COL22A1: variants seen among roughly 807,000 people sequenced by gnomAD.
The protein encoded by COL22A1 is collagen alpha-1(XXII) chain.
A neutral mutation model predicts 248.9 loss-of-function variants in COL22A1; 221 were observed. The ratio of observed to expected loss-of-function variants is 0.89; its 90% CI spans 0.80 to 0.99. COL22A1 has a LOEUF of 0.99. Ranked by LOEUF, COL22A1 falls within the 50% of genes least tolerant of loss-of-function variation. The probability of loss-of-function intolerance (pLI) is 0.00; values close to 1 mark genes in which losing one functional copy is unlikely to be tolerated. For missense variants in COL22A1, 2,240 were observed against 2,179.0 expected, an observed-to-expected ratio of 1.03 and a Z score of -0.56; for synonymous variants, 891 against 793.4, an observed-to-expected ratio of 1.12 and a Z score of -2.07.
chr8:138,815,137 G>A (rs1818575454), intron 7 of COL22A1, among the ~76,000 whole-genome samples: 1 of 152,148 alleles, frequency 6.6e-6, no homozygotes, highest in Admixed American at 6.5e-5. Flanking sequence ...TGATTGTGAA[G>A]CCTCCCCAGC....
intron 27 of COL22A1, among the ~76,000 whole-genome samples, chr8:138,718,655 A>G (rs1232617522): frequency 6.6e-6 from 1 of 152,236 alleles, no homozygotes; most frequent in African/African-American, 2.4e-5. Flanking sequence ...CTTTGTCAAA[A>G]TAAAGTAACA....
intron 49 of COL22A1, 91 bp downstream of exon 49, chr8:138,634,919 A>G (rs1043232637): frequency 2.2e-6 from 2 of 891,070 alleles, no homozygotes; most frequent in African/African-American, 1.6e-5. Context: ...AAAATGAGAG[A>G]TATGCTCAGT....
chr8:138,825,456 T>G (rs1389492635), intron 6 of COL22A1, among the ~76,000 whole-genome samples: 1 of 152,206 alleles, frequency 6.6e-6, no homozygotes. Context: ...TAAGCAAATT[T>G]CTTAGCCTCT....
At chr8:138,837,942 G>A (rs1409002939) in intron 4 of COL22A1, among the ~76,000 whole-genome samples, 2 of 152,144 alleles carry the variant, frequency 1.3e-5, no homozygotes, top group East Asian at 1.9e-4. Context: ...GGGTGAGGAC[G>A]TGCCTTGCAG....
chr8:138,660,536 C>T, intron 43 of COL22A1, 56 bp from the exon 44 acceptor site: 1 of 1,487,824 alleles, frequency 6.7e-7, no homozygotes, highest in Non-Finnish European at 9.4e-7. Context: ...TCCTGACCCA[C>T]TCTACCCACA....
chr8:138,748,146 T>A (rs2131324267), intron 22 of COL22A1, among the ~76,000 whole-genome samples: 1 of 152,222 alleles, frequency 6.6e-6, no homozygotes, highest in South Asian at 2.1e-4. Flanking sequence ...CAAGGCCACC[T>A]CAAACATCAC....
intron 47 of COL22A1, among the ~76,000 whole-genome samples, chr8:138,643,797 T>TGGTAGG (rs1821956165): frequency 6.6e-6 from 1 of 152,142 alleles, no homozygotes; most frequent in South Asian, 2.1e-4. Context: ...TCTCCCGGGT[T>TGGTAGG]CAAGCGATTC....
At chr8:138,628,691 C>G (rs1377094548) in intron 50 of COL22A1, among the ~76,000 whole-genome samples, 2 of 151,716 alleles carry the variant, frequency 1.3e-5, no homozygotes, top group African/African-American at 2.4e-5. Flanking sequence ...GGTCCCATGA[C>G]AGAATCAAAG....
intron 3 of COL22A1, among the ~76,000 whole-genome samples, chr8:138,876,885 C>A (rs576329209): frequency 5.4e-4 from 82 of 152,358 alleles, no homozygotes; most frequent in Middle Eastern, 3.4e-3. Context: ...CAACCCCTCC[C>A]GGGCCTGGAG....
chr8:138,650,026 T>G (rs1822560765), intron 45 of COL22A1, among the ~76,000 whole-genome samples: 1 of 152,098 alleles, frequency 6.6e-6, no homozygotes, highest in Non-Finnish European at 1.5e-5. Flanking sequence ...TTCCTCCATT[T>G]CCCCCTATTT....
intron 35 of COL22A1, among the ~76,000 whole-genome samples, 187 bp downstream of exon 35, chr8:138,693,459 C>T (rs1198794608): frequency 6.6e-6 from 1 of 152,170 alleles, no homozygotes; most frequent in Non-Finnish European, 1.5e-5. Context: ...TCAAGAAATG[C>T]TACGAAGGTG....
chr8:138,857,121 CTG>C (rs1822093400), intron 3 of COL22A1, among the ~76,000 whole-genome samples: 1 of 152,078 alleles, frequency 6.6e-6, no homozygotes, highest in African/African-American at 2.4e-5. Flanking sequence ...GCCTGCACTC[CTG>C]CCTCTGCCCA....
chr8:138,848,049 T>C (rs1821375684), intron 3 of COL22A1, among the ~76,000 whole-genome samples: 1 of 152,184 alleles, frequency 6.6e-6, no homozygotes, highest in African/African-American at 2.4e-5. Flanking sequence ...TCCCAATAAA[T>C]ATGGAATTCT....
chr8:138,621,266 T>C (rs1458647395), intron 52 of COL22A1, among the ~76,000 whole-genome samples: 1 of 152,184 alleles, frequency 6.6e-6, no homozygotes, highest in Non-Finnish European at 1.5e-5. Context: ...TACTTGACTT[T>C]GAGGTGTGGA....
chr8:138,692,462 CATGTGTGTGTGTGTGTGTGT>C (rs1156765284), intron 35 of COL22A1, among the ~76,000 whole-genome samples: 2 of 46,210 alleles, frequency 4.3e-5, no homozygotes, highest in African/African-American at 1.7e-4. Context: ...TGTGTGAGTG[CATGTGTGTGTGTGTGTGTGT>C]GTGTGTGTGT....
Position 138,662,090 on chromosome 8 carries a change from A to G in COL22A1, c.3187-7T>C. 6.2e-7 allele frequency: 1 copy of G among 1,611,696 alleles called. No homozygotes were observed. The highest frequency in any genetic ancestry group is 8.5e-7 in the Non-Finnish European group (1 of 1,178,848). On this transcript the variant is annotated splice_polypyrimidine_tract_variant and splice_region_variant and intron_variant, in intron 42 of 64. Coordinates refer to ENST00000303045, the MANE Select transcript of COL22A1 (RefSeq NM_152888.3). Reference sequence around the variant, plus strand: ...CAGGTAAGCCTCGTGATCCCTGAAGAAAAAGAAAAGAAGACACTGACACCC... The same window carrying G: ...CAGGTAAGCCTCGTGATCCCTGAAGGAAAAGAAAAGAAGACACTGACACCC...
Position 138,877,737 on chromosome 8 carries a change from C to CG in COL22A1, c.658+12dup, listed in dbSNP as rs1823838972. 6.4e-7 allele frequency: 1 copy of CG among 1,561,294 alleles called. No homozygotes were observed. Among genetic ancestry groups the CG allele is most frequent in the African/African-American group, 1.4e-5 (1 of 73,646 alleles). On this transcript the variant is annotated intron_variant, in intron 3 of 64. Coordinates refer to ENST00000303045, the MANE Select transcript of COL22A1 (RefSeq NM_152888.3). Reference sequence around the variant, plus strand: ...CTCTTGGGAGGGGCCGCATGGGGCCCGGGCGCACTCACTTTCACAAAGACG... The same window carrying CG: ...CTCTTGGGAGGGGCCGCATGGGGCCCGGGGCGCACTCACTTTCACAAAGACG...
At chr8:138,788,150 C>T (rs1348084278) in intron 12 of COL22A1, among the ~76,000 whole-genome samples, 5 of 152,154 alleles carry the variant, frequency 3.3e-5, no homozygotes, top group Admixed American at 6.5e-5. Context: ...CCTGGGGTTG[C>T]GTTAGAAGGG....
chr8:138,906,048 G>C (rs1426779984), intron 1 of COL22A1, among the ~76,000 whole-genome samples: 1 of 152,132 alleles, frequency 6.6e-6, no homozygotes, highest in Non-Finnish European at 1.5e-5. Flanking sequence ...ACAGACTCAT[G>C]GATCTTAGCA....
Sources: gnomAD v4.1 joint callset for allele counts (sites outside exome capture counted in the v4.1 genomes callset) on GRCh38, gnomAD v4.1.1 for gene constraint, MANE v1.5 for transcripts, NCBI Gene and HGNC (gene_info 2026-07-23, HGNC 2026-07-21) for gene names.